Variants in SLC29A3 observed in about 807,000 individuals in gnomAD.
The protein encoded by SLC29A3 is equilibrative nucleoside transporter 3.
SLC29A3 carries 18 observed loss-of-function variants against 25.4 expected under a neutral mutation model. The observed-to-expected ratio is 0.71, with a 90% confidence interval of 0.49 to 1.05. The LOEUF is 1.05. Among genes scored for constraint, SLC29A3 ranks in the 50% least tolerant of loss-of-function variants. The probability of loss-of-function intolerance (pLI) is 0.00; values close to 1 mark genes in which losing one functional copy is unlikely to be tolerated. For missense variants in SLC29A3, 586 were observed against 609.0 expected (o/e 0.96, Z 0.40); for synonymous variants, 258 against 267.1 (o/e 0.97, Z 0.33).
In SLC29A3 at chr10:71,319,272, G is replaced by T; in HGVS notation, c.-38G>T. The T allele has an allele frequency of 1.6e-6, 1 of 618,274 alleles. No individual in the cohort carries two copies. Among genetic ancestry groups the T allele is most frequent in the Non-Finnish European group, 2.9e-6 (1 of 344,658 alleles). 38.3% of individuals were successfully genotyped at this position (618,274 alleles called of 1,614,324 possible). ...CCTGCCAAGCCCAGTGGTCCTGGCC[G>T]TGCGCCGGAGGCAGCGGCGGCGTGG... On this transcript the variant is annotated 5_prime_UTR_variant, in exon 1 of 6. Coordinates refer to ENST00000373189, the MANE Select transcript of SLC29A3 (RefSeq NM_018344.6).
At chr10:71,341,703 T>G (rs1294966377) in intron 2 of SLC29A3, among the ~76,000 whole-genome samples, 2 of 152,212 alleles carry the variant, frequency 1.3e-5, no homozygotes, top group African/African-American at 2.4e-5. Context: ...TTACAGGGTT[T>G]CTGTGGGCCA....
Position 71,363,041 on chromosome 10 carries a change from A to T in SLC29A3, c.*433A>T, listed in dbSNP as rs1847111412. The T allele has an allele frequency of 6.6e-6, 3 of 456,302 alleles. No individual in the cohort carries two copies. The allele number at this position is 456,302 out of a possible 1,614,324, so 28.3% of individuals were successfully genotyped here. A position where few individuals can be genotyped will look rare whatever the true frequency, so the allele number is the denominator to read the frequency against. On this transcript the variant is annotated 3_prime_UTR_variant, in exon 6 of 6. Coordinates refer to ENST00000373189, the MANE Select transcript of SLC29A3 (RefSeq NM_018344.6). ...TGCAAGCAAATGCTCAGCTCTCCTT[A>T]CCCTGAAGGGGTCTCCCTGGAATGG...
chr10:71,376,428 C>A (rs1346130561), intron 4 of SLC29A3, among the ~76,000 whole-genome samples: 1 of 152,116 alleles, frequency 6.6e-6, no homozygotes, highest in Non-Finnish European at 1.5e-5. Flanking sequence ...CTTCCCTGAG[C>A]CTATTTCCTC....
chr10:71,372,997 C>T (rs1481172460), intron 3 of SLC29A3, among the ~76,000 whole-genome samples: 1 of 152,162 alleles, frequency 6.6e-6, no homozygotes, highest in African/African-American at 2.4e-5. Flanking sequence ...TGTGATCTCA[C>T]CCCCTCGCAG....
At chr10:71,354,800 G>C (rs1434896014) in intron 4 of SLC29A3, among the ~76,000 whole-genome samples, 1 of 152,218 alleles carries the variant, frequency 6.6e-6, no homozygotes, top group Non-Finnish European at 1.5e-5. Context: ...TGTTGTCAGT[G>C]CTTTTCCACT....
At chr10:71,338,038 A>G (rs1294442398) in intron 2 of SLC29A3, among the ~76,000 whole-genome samples, 1 of 152,208 alleles carries the variant, frequency 6.6e-6, no homozygotes, top group Non-Finnish European at 1.5e-5. Context: ...TGGCTCATCC[A>G]CATTCACCCA....
intron 2 of SLC29A3, among the ~76,000 whole-genome samples, chr10:71,329,456 T>A (rs1257042619): frequency 1.1e-4 from 7 of 63,052 alleles, no homozygotes; most frequent in Non-Finnish European, 1.5e-4. Context: ...AGACTCTGTC[T>A]CAAAAAAAAA....
In SLC29A3 at chr10:71,371,793, T is replaced by G. The variant is rs573705266; in HGVS notation, c.*95-3902T>G. Among the ~76,000 whole-genome samples the G allele has an allele frequency of 1.4e-4, 22 of 152,374 alleles. 1 individual carries two copies. The highest frequency in any genetic ancestry group is 1.0e-3 in the South Asian group (5 of 4,834). ...TGAAGATTAAATGATTTAATCCATA[T>G]AAAGCTCTCCATCCAGGCTAAATGA... is the stretch of plus-strand genomic sequence containing the variant. On this transcript the variant is annotated intron_variant and NMD_transcript_variant, in intron 3 of 4. Coordinates refer to the SLC29A3 transcript ENST00000642772.
chr10:71,372,388 C>G (rs1160688628), intron 3 of SLC29A3, among the ~76,000 whole-genome samples: 1 of 152,214 alleles, frequency 6.6e-6, no homozygotes, highest in East Asian at 1.9e-4. Flanking sequence ...GACTCCAAGA[C>G]TCAAGTGCCT....
intron 2 of SLC29A3, 102 bp downstream of exon 2, chr10:71,323,156 G>C: frequency 6.9e-7 from 1 of 1,449,528 alleles, no homozygotes; most frequent in South Asian, 1.2e-5. Context: ...CCAGCCTTTA[G>C]ATCACTTACT....
At position 71,319,333 on chromosome 10, in the gene SLC29A3, T is replaced by C. The variant is rs575450130; in HGVS notation, c.1+23T>C. 6.2e-6 allele frequency: 4 copies of C among 642,082 alleles called. No individual in the cohort carries two copies. The Admixed American group carries it at 7.2e-5, about 12-fold the overall frequency. The allele number at this position is 642,082 out of a possible 1,614,324, so 39.8% of individuals were successfully genotyped here. On this transcript the variant is annotated intron_variant, in intron 1 of 5. Coordinates refer to ENST00000373189, the MANE Select transcript of SLC29A3 (RefSeq NM_018344.6). ...ACAGTAAGTGCGGGCCGGCTCGGGCTCTTCCGGCTACGGTCCCGGCCGCCC... is the reference window on the plus strand; with the variant it reads ...ACAGTAAGTGCGGGCCGGCTCGGGCCCTTCCGGCTACGGTCCCGGCCGCCC...
chr10:71,353,018 T>C (rs1473931028), intron 4 of SLC29A3, among the ~76,000 whole-genome samples: 1 of 152,236 alleles, frequency 6.6e-6, no homozygotes, highest in African/African-American at 2.4e-5. Context: ...CCAGGAAGCA[T>C]GTGGCCAGGA....
At chr10:71,325,310 A>T (rs1845940202) in intron 2 of SLC29A3, among the ~76,000 whole-genome samples, 1 of 152,180 alleles carries the variant, frequency 6.6e-6, no homozygotes, top group Non-Finnish European at 1.5e-5. Context: ...GCAGCTTCTT[A>T]AAAAATACCA....
chr10:71,340,707 T>C (rs1846380401), intron 2 of SLC29A3, among the ~76,000 whole-genome samples: 1 of 152,182 alleles, frequency 6.6e-6, no homozygotes, highest in African/African-American at 2.4e-5. Flanking sequence ...TTTTCACATT[T>C]CCGTAAGTAA....
chr10:71,326,528 C>T (rs1308053192), intron 2 of SLC29A3, among the ~76,000 whole-genome samples: 1 of 152,200 alleles, frequency 6.6e-6, no homozygotes, highest in Non-Finnish European at 1.5e-5. Flanking sequence ...ATCACCTGGC[C>T]TACTGGGCTT....
Position 71,319,272 on chromosome 10 carries a change from G to A in SLC29A3, c.-38G>A, listed in dbSNP as rs1272077328. On this transcript the variant is annotated 5_prime_UTR_variant, in exon 1 of 6. It adds an upstream start codon to the 5' untranslated region. Transcript: ENST00000373189. ...CCTGCCAAGCCCAGTGGTCCTGGCCGTGCGCCGGAGGCAGCGGCGGCGTGG... is the reference window on the plus strand; with the variant it reads ...CCTGCCAAGCCCAGTGGTCCTGGCCATGCGCCGGAGGCAGCGGCGGCGTGG... 3 of 618,268 alleles carry A rather than the reference G, an allele frequency of 4.9e-6. No homozygotes were observed. Among genetic ancestry groups the A allele is most frequent in the African/African-American group, 1.9e-5 (1 of 52,006 alleles). 38.3% of individuals were successfully genotyped at this position (618,268 alleles called of 1,614,324 possible). A position where few individuals can be genotyped will look rare whatever the true frequency, so the allele number is the denominator to read the frequency against.
intron 2 of SLC29A3, among the ~76,000 whole-genome samples, chr10:71,335,969 G>A (rs1426418838): frequency 1.3e-5 from 2 of 152,168 alleles, no homozygotes; most frequent in Non-Finnish European, 2.9e-5. Context: ...GTGGAGGTGG[G>A]GGCGGGTGTG....
chr10:71,371,468 G>A (rs947171921), intron 3 of SLC29A3, among the ~76,000 whole-genome samples: 47 of 152,326 alleles, frequency 3.1e-4, no homozygotes, highest in African/African-American at 1.1e-3. Context: ...AAGTTTCTGT[G>A]CTTTGGGAGA....
At chr10:71,366,788 A>G (rs1484085885), downstream of SLC29A3, among the ~76,000 whole-genome samples, 1 of 152,202 alleles carries the variant, frequency 6.6e-6, no homozygotes, top group Non-Finnish European at 1.5e-5. Flanking sequence ...TTTATAGTAC[A>G]TTCCAGTCGA....
Sources: gnomAD v4.1 joint callset for allele counts (sites outside exome capture counted in the v4.1 genomes callset) on GRCh38, gnomAD v4.1.1 for gene constraint, MANE v1.5 for transcripts, NCBI Gene and HGNC (gene_info 2026-07-23, HGNC 2026-07-21) for gene names.